MSTO1: variants seen among roughly 807,000 people sequenced by gnomAD.
MSTO1 encodes misato mitochondrial distribution and morphology regulator 1, also known as protein misato homolog 1.
Under a neutral mutation model 55.7 loss-of-function variants are expected in MSTO1, and 24 were observed. That is an observed-to-expected ratio of 0.43 (90% confidence interval 0.31 to 0.61). The LOEUF is 0.61. MSTO1 is among the 20% of genes least tolerant of loss of function. The probability of loss-of-function intolerance (pLI) is 0.09; values close to 1 mark genes in which losing one functional copy is unlikely to be tolerated. For synonymous variants in MSTO1, 162 were observed against 252.8 expected (o/e 0.64, Z 3.41); for missense variants, 363 against 625.7 (o/e 0.58, Z 4.48).
At chr1:155,582,044 C>T in the MSTO1 span, among the ~76,000 whole-genome samples, 11 of 151,978 alleles carry the variant, frequency 7.2e-5, no homozygotes, top group South Asian at 6.3e-4. Context: ...CAACCTCCAC[C>T]TCCTGAGTTC....
At chr1:155,564,971 A>T in the MSTO1 span, among the ~76,000 whole-genome samples, 4 of 152,042 alleles carry the variant, frequency 2.6e-5, no homozygotes, top group African/African-American at 9.7e-5. Context: ...AATACAAAAA[A>T]TTAGCCGGGC....
At chr1:155,575,342 C>T in the MSTO1 span, among the ~76,000 whole-genome samples, 2 of 152,060 alleles carry the variant, frequency 1.3e-5, no homozygotes, top group Non-Finnish European at 2.9e-5. Context: ...TTTTTATTTG[C>T]ATTTTCTAGA....
the MSTO1 span, chr1:155,590,596 C>A: frequency 7.7e-7 from 1 of 1,300,058 alleles, no homozygotes; most frequent in South Asian, 1.4e-5. Flanking sequence ...CCATTCACTT[C>A]CATGTCAGAC....
chr1:155,579,001 A>T, the MSTO1 span, among the ~76,000 whole-genome samples: 5 of 150,986 alleles, frequency 3.3e-5, no homozygotes, highest in African/African-American at 1.2e-4. Flanking sequence ...GTCATGTGGA[A>T]GATGGCTTGT....
At chr1:155,571,788 C>T in the MSTO1 span, among the ~76,000 whole-genome samples, 1 of 152,138 alleles carries the variant, frequency 6.6e-6, no homozygotes, top group Non-Finnish European at 1.5e-5. Flanking sequence ...TGGCTTACGC[C>T]TGTAATCCCA....
At chr1:155,602,207 T>C in the MSTO1 span, 4 of 648,336 alleles carry the variant, frequency 6.2e-6, no homozygotes, top group Non-Finnish European at 5.9e-6. Context: ...GGCCGGGCTT[T>C]GTGGCTCACA....
the MSTO1 span, among the ~76,000 whole-genome samples, chr1:155,584,070 G>A: frequency 4.6e-5 from 7 of 152,092 alleles, no homozygotes; most frequent in South Asian, 2.1e-4. Context: ...GTGCTTTGGC[G>A]TCTTCATTAA....
chr1:155,573,187 C>T, the MSTO1 span, among the ~76,000 whole-genome samples: 12 of 152,212 alleles, frequency 7.9e-5, no homozygotes, highest in East Asian at 1.9e-3. Context: ...AGCTGGGGAG[C>T]TTTAAAAATA....
At chr1:155,567,812 A>G in the MSTO1 span, among the ~76,000 whole-genome samples, 86 of 151,186 alleles carry the variant, frequency 5.7e-4, no homozygotes, top group Non-Finnish European at 1.5e-5. Flanking sequence ...AGGCAGGTGG[A>G]TCACCTGATG....
At chr1:155,568,094 T>A in the MSTO1 span, among the ~76,000 whole-genome samples, 1 of 96,136 alleles carries the variant, frequency 1.0e-5, no homozygotes, top group African/African-American at 2.9e-5. Flanking sequence ...ATTTTATTTT[T>A]TTTGAGACGG....
At chr1:155,567,946 GA>G in the MSTO1 span, among the ~76,000 whole-genome samples, 1 of 151,654 alleles carries the variant, frequency 6.6e-6, no homozygotes, top group East Asian at 2.0e-4. Flanking sequence ...GCTGAGGCAG[GA>G]GCATCACTTG....
At chr1:155,576,390 G>A in the MSTO1 span, among the ~76,000 whole-genome samples, 2 of 151,818 alleles carry the variant, frequency 1.3e-5, no homozygotes, top group Admixed American at 6.6e-5. Context: ...GCAGTGACGC[G>A]ATCTCAGCTC....
At chr1:155,595,581 G>A in the MSTO1 span, among the ~76,000 whole-genome samples, 6 of 151,022 alleles carry the variant, frequency 4.0e-5, no homozygotes, top group Non-Finnish European at 7.4e-5. Context: ...TCCACCTCCT[G>A]GGTTCAAGCA....
rs1467412160 is a variant in MSTO1 at position 155,611,405 on chromosome 1, A to G, written c.366+114A>G. On this transcript the variant is annotated intron_variant, in intron 4 of 13. Transcript: ENST00000245564. The stretch of plus-strand genomic sequence containing the variant: ...AAGTGTCTTAGAATGATATTTTGGG[A>G]AAAAGCACTCCTTTTCCTAAGGACT... 19 of 1,600,668 alleles carry G rather than the reference A, an allele frequency of 1.2e-5. No individual in the cohort carries two copies. In the East Asian group the frequency reaches 1.6e-4, roughly 13 times the overall value.
At chr1:155,576,887 C>T in the MSTO1 span, among the ~76,000 whole-genome samples, 3 of 147,150 alleles carry the variant, frequency 2.0e-5, no homozygotes, top group Admixed American at 1.4e-4. Flanking sequence ...TGGTGGCAGG[C>T]GCTTGTAATC....
the MSTO1 span, among the ~76,000 whole-genome samples, chr1:155,600,300 C>A: frequency 6.6e-6 from 1 of 152,216 alleles, no homozygotes; most frequent in Non-Finnish European, 1.5e-5. Flanking sequence ...TTTAACAAAG[C>A]ACATCTTGCA....
At chr1:155,565,814 C>T in the MSTO1 span, among the ~76,000 whole-genome samples, 2 of 152,234 alleles carry the variant, frequency 1.3e-5, no homozygotes, top group East Asian at 3.9e-4. Flanking sequence ...ATATTAAGTG[C>T]TCAATAAAAT....
chr1:155,603,809 G>C, the MSTO1 span, among the ~76,000 whole-genome samples: 2 of 152,110 alleles, frequency 1.3e-5, no homozygotes, highest in Non-Finnish European at 2.9e-5. Context: ...AGTGAGCTGA[G>C]ATCACGCCAC....
At chr1:155,599,102 G>A in the MSTO1 span, among the ~76,000 whole-genome samples, 10 of 152,086 alleles carry the variant, frequency 6.6e-5, no homozygotes, top group East Asian at 1.2e-3. Flanking sequence ...CTGAGCTTAA[G>A]CCCAGGAGGA....
Sources: allele counts gnomAD v4.1 joint callset (sites outside exome capture counted in the v4.1 genomes callset), GRCh38; gene constraint gnomAD v4.1.1; transcripts MANE v1.5; gene names NCBI Gene and HGNC (gene_info 2026-07-23, HGNC 2026-07-21).